SHANK2: variants seen among roughly 807,000 people sequenced by gnomAD.
SHANK2 encodes SH3 and multiple ankyrin repeat domains protein 2.
A neutral mutation model predicts 133.7 loss-of-function variants in SHANK2; 43 were observed. That is an observed-to-expected ratio of 0.32 (90% CI 0.25 to 0.41). SHANK2 has a LOEUF of 0.41. Ranked by LOEUF, SHANK2 falls within the 10% of genes least tolerant of loss-of-function variation. The pLI, the probability that SHANK2 is intolerant of heterozygous loss-of-function variation, is 1.00. For synonymous variants in SHANK2, 1,017 were observed against 952.8 expected, an observed-to-expected ratio of 1.07 and a Z score of -1.24; for missense variants, 1,994 against 2,235.8, an observed-to-expected ratio of 0.89 and a Z score of 2.18.
intron 15 of SHANK2, among the ~76,000 whole-genome samples, chr11:70,686,063 C>A (rs1294451662): frequency 2.0e-5 from 3 of 146,604 alleles, no homozygotes; most frequent in Non-Finnish European, 4.5e-5. Context: ...ACCCATCCAG[C>A]TCCCCTTCCT....
At chr11:70,588,913 G>A (rs1178580260) in intron 17 of SHANK2, among the ~76,000 whole-genome samples, 1 of 152,212 alleles carries the variant, frequency 6.6e-6, no homozygotes, top group Non-Finnish European at 1.5e-5. Context: ...CGCCTCCCGG[G>A]TTCATGCCAT....
intron 17 of SHANK2, among the ~76,000 whole-genome samples, chr11:70,558,567 T>A (rs1289714612): frequency 2.0e-5 from 3 of 152,160 alleles, no homozygotes; most frequent in African/African-American, 7.2e-5. Flanking sequence ...AGTTTCCTCG[T>A]CTGTAACACA....
chr11:70,716,984 G>A (rs1945944101), intron 14 of SHANK2, among the ~76,000 whole-genome samples: 1 of 150,354 alleles, frequency 6.7e-6, no homozygotes, highest in Non-Finnish European at 1.5e-5. Flanking sequence ...TTGGTGAGAA[G>A]CTACTGGAGA....
At chr11:70,537,675 C>G (rs2059563280) in intron 17 of SHANK2, among the ~76,000 whole-genome samples, 1 of 152,250 alleles carries the variant, frequency 6.6e-6, no homozygotes, top group South Asian at 2.1e-4. Context: ...CCGTTTGTAG[C>G]CACTTGTGGC....
At chr11:70,903,917 G>A (rs1185024616) in intron 10 of SHANK2, among the ~76,000 whole-genome samples, 5 of 152,010 alleles carry the variant, frequency 3.3e-5, no homozygotes, top group African/African-American at 4.8e-5. Flanking sequence ...CCTTCTCCCC[G>A]AAATGCCCCA....
At chr11:70,922,192 G>A (rs1950361762) in intron 10 of SHANK2, among the ~76,000 whole-genome samples, 1 of 152,152 alleles carries the variant, frequency 6.6e-6, no homozygotes, top group African/African-American at 2.4e-5. Context: ...GATGGATAAG[G>A]AAATTGGAAA....
At chr11:70,564,512 A>C (rs2059944891) in intron 17 of SHANK2, among the ~76,000 whole-genome samples, 1 of 152,020 alleles carries the variant, frequency 6.6e-6, no homozygotes, top group East Asian at 1.9e-4. Context: ...TGCCCGCCTC[A>C]GCCTCCCAAA....
intron 3 of SHANK2, among the ~76,000 whole-genome samples, chr11:71,136,942 A>G (rs1335775623): frequency 2.0e-5 from 3 of 152,220 alleles, no homozygotes; most frequent in Non-Finnish European, 4.4e-5. Context: ...CACTCACTGC[A>G]ACCTCCACCT....
chr11:70,701,955 C>T (rs1945531666), intron 14 of SHANK2, among the ~76,000 whole-genome samples: 1 of 151,194 alleles, frequency 6.6e-6, no homozygotes, highest in African/African-American at 2.4e-5. Flanking sequence ...TCACCACCAC[C>T]ACCATCACCA....
intron 11 of SHANK2, among the ~76,000 whole-genome samples, chr11:70,834,835 G>A (rs1468660250): frequency 6.6e-6 from 1 of 152,160 alleles, no homozygotes; most frequent in African/African-American, 2.4e-5. Context: ...GTGGAAAATC[G>A]GGGTGAGGGC....
chr11:70,750,843 G>C (rs999253555), intron 14 of SHANK2, among the ~76,000 whole-genome samples: 1 of 152,172 alleles, frequency 6.6e-6, no homozygotes, highest in South Asian at 2.1e-4. Flanking sequence ...TTTGACGTTG[G>C]AAACCATGCA....
At chr11:70,784,847 G>A (rs756225277) in intron 14 of SHANK2, among the ~76,000 whole-genome samples, 7 of 152,154 alleles carry the variant, frequency 4.6e-5, no homozygotes, top group East Asian at 1.9e-4. Flanking sequence ...CGCTCCAACC[G>A]CCACTGCTAA....
chr11:70,533,679 T>A (rs1002309755), intron 17 of SHANK2, among the ~76,000 whole-genome samples: 5 of 152,152 alleles, frequency 3.3e-5, no homozygotes, highest in African/African-American at 7.2e-5. Context: ...TTCACACTTT[T>A]AAAGTGTGCG....
At chr11:71,076,359 C>T (rs1176113690) in intron 8 of SHANK2, among the ~76,000 whole-genome samples, 3 of 152,060 alleles carry the variant, frequency 2.0e-5, no homozygotes, top group Non-Finnish European at 4.4e-5. Flanking sequence ...TGCTCTACTG[C>T]TAATTGAGAC....
At chr11:71,062,996 C>CA (rs1169050698) in intron 9 of SHANK2, among the ~76,000 whole-genome samples, 1,642 of 69,656 alleles carry the variant, frequency 0.024, 71 homozygotes, top group African/African-American at 0.064. Context: ...GACCCTGTCT[C>CA]AAAAAAAAAA....
At chr11:70,913,748 A>C (rs1016823157) in intron 10 of SHANK2, among the ~76,000 whole-genome samples, 1 of 152,158 alleles carries the variant, frequency 6.6e-6, no homozygotes, top group Non-Finnish European at 1.5e-5. Context: ...CATACCCTAA[A>C]AAGGCATCCT....
At chr11:71,134,730 A>G (rs1952405421) in intron 3 of SHANK2, among the ~76,000 whole-genome samples, 1 of 151,994 alleles carries the variant, frequency 6.6e-6, no homozygotes, top group African/African-American at 2.4e-5. Flanking sequence ...ATGAGCTGAG[A>G]AACTGCAAAG....
In SHANK2 at chr11:70,682,077, G is replaced by C. The variant is rs1425151891; in HGVS notation, c.1853+16611C>G. Reference sequence around the variant, plus strand: ...TATAAGGCAGCCCAAACCTGCTGGAGGGTGCTTTGTGAGAGGGCCTTTGAC... The same window carrying C: ...TATAAGGCAGCCCAAACCTGCTGGACGGTGCTTTGTGAGAGGGCCTTTGAC... On this transcript the variant is annotated intron_variant, in intron 15 of 25. Transcript: ENST00000601538. 1.1e-4 allele frequency among the ~76,000 whole-genome samples: 17 copies of C among 152,264 alleles called. No individual in the cohort carries two copies. In the East Asian group the frequency reaches 3.3e-3, roughly 29 times the overall value.
chr11:70,565,573 C>A (rs1591587305), intron 17 of SHANK2, among the ~76,000 whole-genome samples: 1 of 152,158 alleles, frequency 6.6e-6, no homozygotes, highest in African/African-American at 2.4e-5. Flanking sequence ...GATGTTCTTC[C>A]AGTCTCTGCC....
Sources: gnomAD v4.1 joint callset for allele counts (sites outside exome capture counted in the v4.1 genomes callset) on GRCh38, gnomAD v4.1.1 for gene constraint, MANE v1.5 for transcripts, NCBI Gene and HGNC (gene_info 2026-07-23, HGNC 2026-07-21) for gene names.